ACOX3: variants seen among roughly 807,000 people sequenced by gnomAD.
ACOX3 encodes peroxisomal acyl-coenzyme A oxidase 3.
In ACOX3, 73 loss-of-function variants were observed where a neutral mutation model predicts 81.5. The ratio of observed to expected loss-of-function variants is 0.90; its 90% CI spans 0.74 to 1.09. The LOEUF is 1.09. Among genes scored for constraint, ACOX3 ranks in the 50% least tolerant of loss-of-function variants. The probability of loss-of-function intolerance (pLI) is 0.00; values close to 1 mark genes in which losing one functional copy is unlikely to be tolerated. For missense variants in ACOX3, 947 were observed against 928.0 expected (o/e 1.02, Z -0.27); for synonymous variants, 387 against 375.1 (o/e 1.03, Z -0.37).
intron 1 of ACOX3, among the ~76,000 whole-genome samples, chr4:8,434,779 G>C (rs950880357): frequency 2.6e-5 from 4 of 152,116 alleles, no homozygotes; most frequent in African/African-American, 9.7e-5. Flanking sequence ...TTTGGTTTTT[G>C]TTTTTGACTT....
chr4:8,362,215 C>A (rs185138911), downstream of ACOX3, among the ~76,000 whole-genome samples: 1 of 152,262 alleles, frequency 6.6e-6, no homozygotes, highest in African/African-American at 2.4e-5. Flanking sequence ...TCATAGAGAG[C>A]TGAAATGTTC....
intron 14 of ACOX3, 113 bp from the exon 15 acceptor site, chr4:8,375,265 C>G: frequency 9.4e-7 from 1 of 1,061,964 alleles, no homozygotes; most frequent in Non-Finnish European, 1.3e-6. Context: ...CGTGCATGTC[C>G]TAGGACAGTA....
At chr4:8,408,891 T>TGGGGGGGGGGGGGGGGGG (rs200811549) in intron 6 of ACOX3, among the ~76,000 whole-genome samples, 1 of 25,790 alleles carries the variant, frequency 3.9e-5, no homozygotes, top group Non-Finnish European at 6.2e-5. Context: ...GAGCCCTCAC[T>TGGGGGGGGGGGGGGGGGG]GGGGGGGGGG....
chr4:8,363,641 G>A (rs1428558450), downstream of ACOX3, among the ~76,000 whole-genome samples: 3 of 152,206 alleles, frequency 2.0e-5, no homozygotes, highest in East Asian at 1.9e-4. Context: ...AAATGAGGCT[G>A]AGACCTACTG....
the ACOX3 span, chr4:8,355,754 T>A: frequency 6.6e-6 from 1 of 152,166 alleles, no homozygotes; most frequent in Non-Finnish European, 1.5e-5. Context: ...TGGCAAATGA[T>A]GCATGAGGAA....
chr4:8,381,613 G>A lies in ACOX3; in HGVS notation c.1538-6C>T, dbSNP rs748355766. 15 of 1,602,350 alleles carry A rather than the reference G, an allele frequency of 9.4e-6. No homozygotes were observed. The South Asian group carries it at 1.2e-4, about 13-fold the overall frequency. On this transcript the variant is annotated splice_region_variant and splice_polypyrimidine_tract_variant and intron_variant, in intron 13 of 17. Coordinates refer to ENST00000356406, the MANE Select transcript of ACOX3 (RefSeq NM_003501.3). This position sits in a 1 kb window ranked among gnomAD's most constrained non-coding sequence, Gnocchi z 4.3. ...CTTGTATGCTGCCAGGGCGACTTCG[G>A]AATGACAAACAGAAGGAGAAAAAGT...
Position 8,422,182 on chromosome 4 carries a change from AAGAG to A in ACOX3, c.-14-5651_-14-5648del, listed in dbSNP as rs539063538. 5.9e-5 allele frequency among the ~76,000 whole-genome samples: 9 copies of A among 152,234 alleles called. No individual in the cohort carries two copies. The South Asian group carries it at 8.3e-4, about 14-fold the overall frequency. On this transcript the variant is annotated intron_variant, in intron 1 of 17. Coordinates refer to ENST00000356406, the MANE Select transcript of ACOX3 (RefSeq NM_003501.3). ...AAGAGAGAGAGAAGAGAGAGAAAGA[AAGAG>A]AGAGGGGGGAAGAAAGGCAGAAAGT...
the ACOX3 span, chr4:8,357,498 C>T: frequency 3.0e-6 from 1 of 331,296 alleles, no homozygotes; most frequent in African/African-American, 2.2e-5. Context: ...TTCTACATTA[C>T]CAAAATAGTA....
chr4:8,410,204 C>A lies in ACOX3; in HGVS notation c.687+8G>T. On this transcript the variant is annotated splice_region_variant and intron_variant, in intron 6 of 17. Transcript: ENST00000356406. ...CTGCCCCCACTGAGGGCCACCCCAG[C>A]GTCCTACCTGCACGATAAAGGGATG... 2 of 1,612,342 alleles carry A rather than the reference C, an allele frequency of 1.2e-6. No homozygotes were observed. The highest frequency in any genetic ancestry group is 1.1e-5 in the South Asian group (1 of 90,934).
chr4:8,429,317 A>C (rs1723804726), intron 1 of ACOX3, among the ~76,000 whole-genome samples: 1 of 152,218 alleles, frequency 6.6e-6, no homozygotes, highest in Non-Finnish European at 1.5e-5. Flanking sequence ...TTTCTTTTAT[A>C]CTTTGGTTTA....
At chr4:8,422,167 G>A (rs1560204036) in intron 1 of ACOX3, among the ~76,000 whole-genome samples, 1 of 151,912 alleles carries the variant, frequency 6.6e-6, no homozygotes, top group Non-Finnish European at 1.5e-5. Context: ...AAGAGAGAGA[G>A]AAGAGAGAGA....
chr4:8,369,109 C>A (rs1715834314), intron 17 of ACOX3, among the ~76,000 whole-genome samples: 1 of 152,192 alleles, frequency 6.6e-6, no homozygotes, highest in Non-Finnish European at 1.5e-5. Flanking sequence ...TCGTTCCCTG[C>A]CTCAGAGACG....
At position 8,423,062 on chromosome 4, in the gene ACOX3, G is replaced by C. The variant is rs566055954; in HGVS notation, c.-14-6527C>G. 1.3e-4 allele frequency among the ~76,000 whole-genome samples: 20 copies of C among 152,292 alleles called. No individual in the cohort carries two copies. Among genetic ancestry groups the C allele is most frequent in the African/African-American group, 4.8e-4 (20 of 41,566 alleles). ...ATGCTTGACCATTGGGGGCCAGAAG[G>C]TTAACTGTCTCCTGAACACTGGCAT... is the stretch of plus-strand genomic sequence containing the variant. On this transcript the variant is annotated intron_variant, in intron 1 of 17. Coordinates refer to ENST00000356406, the MANE Select transcript of ACOX3 (RefSeq NM_003501.3). The surrounding 1 kb of genome is among the most constrained non-coding windows in gnomAD (Gnocchi z 4.2).
downstream of ACOX3, among the ~76,000 whole-genome samples, chr4:8,365,506 A>G (rs550416215): frequency 2.6e-5 from 4 of 152,304 alleles, no homozygotes; most frequent in South Asian, 8.3e-4. Context: ...GGGAGGTCCC[A>G]TGGCTTCTGG....
chr4:8,405,869 T>C lies in ACOX3; in HGVS notation c.776+86A>G, dbSNP rs62286039. 24,828 of 1,341,762 alleles carry C rather than the reference T, an allele frequency of 0.019. 249 individuals carry two copies. Among genetic ancestry groups the C allele is most frequent in the Non-Finnish European group, 0.021 (19,915 of 934,450 alleles). 83.1% of individuals were successfully genotyped at this position (1,341,762 alleles called of 1,614,324 possible). On this transcript the variant is annotated intron_variant, in intron 7 of 17. Coordinates refer to ENST00000356406, the MANE Select transcript of ACOX3 (RefSeq NM_003501.3). This position sits in a 1 kb window ranked among gnomAD's most constrained non-coding sequence, Gnocchi z 7.1. Reference sequence around the variant, plus strand: ...CTAAGAGGGCAGGGCATGGCATCCATGGGGCCAGTGAGATCTCAGACATGA... The same window carrying C: ...CTAAGAGGGCAGGGCATGGCATCCACGGGGCCAGTGAGATCTCAGACATGA...
In ACOX3 at chr4:8,419,663, T is replaced by C. The variant is rs754039841; in HGVS notation, c.-14-3128A>G. Among the ~76,000 whole-genome samples, 4 of 152,094 alleles carry C rather than the reference T, an allele frequency of 2.6e-5. No individual in the cohort carries two copies. The highest frequency in any genetic ancestry group is 5.9e-5 in the Non-Finnish European group (4 of 68,022). On this transcript the variant is annotated intron_variant, in intron 1 of 17. Coordinates refer to ENST00000356406, the MANE Select transcript of ACOX3 (RefSeq NM_003501.3). The surrounding 1 kb of genome is among the most constrained non-coding windows in gnomAD (Gnocchi z 4.2). ...AGAACCGAAAACATCACGTCCTCAA[T>C]GTGTGCAAGGCTCCCCGATTCACAC...
rs1048052837 is a variant in ACOX3 at position 8,389,086 on chromosome 4, G to T, written c.1537+87C>A. On this transcript the variant is annotated intron_variant, in intron 13 of 17. Coordinates refer to ENST00000356406, the MANE Select transcript of ACOX3 (RefSeq NM_003501.3). The surrounding 1 kb of genome is among the most constrained non-coding windows in gnomAD (Gnocchi z 5.3). ...CTGCTGCCCCGGCTGGAACTGCCAAGGGTCCCCTCACCGAGGCACGGTGCG... is the reference window on the plus strand; with the variant it reads ...CTGCTGCCCCGGCTGGAACTGCCAATGGTCCCCTCACCGAGGCACGGTGCG... 7 of 1,109,648 alleles carry T rather than the reference G, an allele frequency of 6.3e-6. No individual in the cohort carries two copies. The highest frequency in any genetic ancestry group is 3.1e-5 in the African/African-American group (2 of 64,678). The allele number at this position is 1,109,648 out of a possible 1,614,324, so 68.7% of individuals were successfully genotyped here.
chr4:8,419,292 C>T lies in ACOX3; in HGVS notation c.-14-2757G>A, dbSNP rs889044377. Among the ~76,000 whole-genome samples the T allele has an allele frequency of 4.0e-5, 6 of 151,648 alleles. No individual in the cohort carries two copies. The highest frequency in any genetic ancestry group is 3.9e-4 in the East Asian group (2 of 5,124). ...CTACTAAAAATACAAAAAAATTAGC[C>T]GGGCATGGTGGCAGGTGCCTATAGT... On this transcript the variant is annotated intron_variant, in intron 1 of 17. Coordinates refer to ENST00000356406, the MANE Select transcript of ACOX3 (RefSeq NM_003501.3). The surrounding 1 kb of genome is among the most constrained non-coding windows in gnomAD (Gnocchi z 4.2).
chr4:8,412,630 G>A (rs1721849680), intron 5 of ACOX3, among the ~76,000 whole-genome samples: 1 of 152,184 alleles, frequency 6.6e-6, no homozygotes, highest in African/African-American at 2.4e-5. Context: ...TTCACTTCCT[G>A]CCACACAACA....
Sources: gnomAD v4.1 joint callset for allele counts (sites outside exome capture counted in the v4.1 genomes callset) on GRCh38, gnomAD v4.1.1 for gene constraint, Gnocchi (gnomAD v3.1) non-coding constraint, MANE v1.5 for transcripts, NCBI Gene and HGNC (gene_info 2026-07-23, HGNC 2026-07-21) for gene names.